RPS6KC1: variants seen among roughly 807,000 people sequenced by gnomAD.
RPS6KC1 encodes the protein ribosomal protein S6 kinase C1, also known as inactive ribosomal protein S6 kinase delta-1.
In RPS6KC1, 54 loss-of-function variants were observed where a neutral mutation model predicts 103.8. The ratio of observed to expected loss-of-function variants is 0.52; its 90% CI spans 0.42 to 0.65. The LOEUF (loss-of-function observed/expected upper bound fraction) is 0.65. Among genes scored for constraint, RPS6KC1 ranks in the 30% least tolerant of loss-of-function variants. The pLI is 0.00. For missense variants in RPS6KC1, 1,151 were observed against 1,253.8 expected (o/e 0.92, Z 1.24); for synonymous variants, 439 against 438.7 (o/e 1.00, Z -0.01).
At chr1:213,309,667 TTC>T in the RPS6KC1 span, among the ~76,000 whole-genome samples, 2 of 152,130 alleles carry the variant, frequency 1.3e-5, no homozygotes, top group African/African-American at 4.8e-5. Context: ...TTGTGCTTGA[TTC>T]TCCTCTTCTC....
rs2091877701 is a variant in RPS6KC1 at position 213,176,441 on chromosome 1, G to A, written c.993G>A (p.Arg331=). ...GTTCAAGGCCCCTTTGGAACCTAAG[G>A]AGCCCTGCCGAGGAGCTGAAGGCCT... ...SLSSRPLWNL[R]SPAEELKAFR... Residue 331 remains arginine, a synonymous_variant, in exon 8 of 15, where the codon AGG becomes AGA. Transcript: ENST00000366960. 1 of 1,609,218 alleles carries A rather than the reference G, an allele frequency of 6.2e-7. No individual in the cohort carries two copies. The highest frequency in any genetic ancestry group is 1.7e-4 in the Middle Eastern group (1 of 6,000).
At chr1:213,802,592 T>C in the RPS6KC1 span, among the ~76,000 whole-genome samples, 3 of 152,232 alleles carry the variant, frequency 2.0e-5, no homozygotes, top group African/African-American at 7.2e-5. Flanking sequence ...AGGAATGATT[T>C]TTTTGACATT....
chr1:213,308,562 T>C, the RPS6KC1 span, among the ~76,000 whole-genome samples: 1 of 152,212 alleles, frequency 6.6e-6, no homozygotes, highest in African/African-American at 2.4e-5. Flanking sequence ...CACCAATGTC[T>C]ATCTTCCAAA....
chr1:213,570,247 C>G, the RPS6KC1 span, among the ~76,000 whole-genome samples: 8 of 152,110 alleles, frequency 5.3e-5, no homozygotes, highest in Non-Finnish European at 1.2e-4. Context: ...AAGGGATACT[C>G]ATAGTATTTA....
rs373414998 is a variant in RPS6KC1, at chr1:213,223,941, G to A, written c.1045-6556G>A. ...GTAATCTTTCTTTTAAAAGGAATTG[G>A]AGCTGAAGTTATTTTCAGGGACTTC... On this transcript the variant is annotated intron_variant, in intron 8 of 14. Transcript: ENST00000366960. 1.1e-4 allele frequency among the ~76,000 whole-genome samples: 16 copies of A among 152,222 alleles called. No individual in the cohort carries two copies. The East Asian group carries it at 2.3e-3, about 22-fold the overall frequency.
At chr1:213,152,943 G>A (rs1445125760) in intron 6 of RPS6KC1, among the ~76,000 whole-genome samples, 1 of 152,240 alleles carries the variant, frequency 6.6e-6, no homozygotes, top group Non-Finnish European at 1.5e-5. Flanking sequence ...ACTCCAGCCT[G>A]GGCACCATTG....
chr1:213,434,781 T>TA, the RPS6KC1 span, among the ~76,000 whole-genome samples: 1 of 120,308 alleles, frequency 8.3e-6, no homozygotes, highest in East Asian at 2.9e-4. Flanking sequence ...TATAACTGAC[T>TA]GTTTTTTTTT....
At chr1:213,717,817 A>G in the RPS6KC1 span, among the ~76,000 whole-genome samples, 256 of 152,322 alleles carry the variant, frequency 1.7e-3, 1 homozygote, top group African/African-American at 5.8e-3. Context: ...CAGTATCTGA[A>G]CAAACAGAGT....
At chr1:213,114,324 T>G (rs1442068878) in intron 4 of RPS6KC1, among the ~76,000 whole-genome samples, 3 of 95,370 alleles carry the variant, frequency 3.1e-5, no homozygotes, top group African/African-American at 1.6e-4. Flanking sequence ...TTGAAGCAAT[T>G]GTGAATGGGA....
chr1:213,293,711 T>C, the RPS6KC1 span, among the ~76,000 whole-genome samples: 1 of 152,166 alleles, frequency 6.6e-6, no homozygotes, highest in African/African-American at 2.4e-5. Context: ...GTACCCCAGG[T>C]GACTCAAGTC....
At chr1:213,278,498 T>C (rs139439619), downstream of RPS6KC1, among the ~76,000 whole-genome samples, 36 of 152,306 alleles carry the variant, frequency 2.4e-4, no homozygotes, top group African/African-American at 8.2e-4. Flanking sequence ...GAAAATGTGT[T>C]AGATATTTGA....
the RPS6KC1 span, among the ~76,000 whole-genome samples, chr1:213,796,324 T>C: frequency 1.3e-5 from 2 of 152,202 alleles, no homozygotes. Flanking sequence ...TAGATTGTGT[T>C]ATTCTGTATC....
the RPS6KC1 span, among the ~76,000 whole-genome samples, chr1:213,621,388 T>C: frequency 8.2e-6 from 1 of 122,594 alleles, no homozygotes; most frequent in Admixed American, 1.0e-4. Context: ...GACAGGTATA[T>C]ATAAGGGCAG....
chr1:213,402,365 G>A, the RPS6KC1 span, among the ~76,000 whole-genome samples: 3 of 152,104 alleles, frequency 2.0e-5, no homozygotes, highest in Non-Finnish European at 4.4e-5. Flanking sequence ...GTACCTCTAA[G>A]TCCCAGGAAA....
At chr1:213,487,096 G>T in the RPS6KC1 span, among the ~76,000 whole-genome samples, 5 of 152,066 alleles carry the variant, frequency 3.3e-5, no homozygotes, top group African/African-American at 1.2e-4. Flanking sequence ...AGCCACTGTT[G>T]TCTCTCCTTA....
chr1:213,723,936 T>TG, the RPS6KC1 span, among the ~76,000 whole-genome samples: 1 of 66,066 alleles, frequency 1.5e-5, no homozygotes, highest in East Asian at 4.1e-4. Flanking sequence ...TGGGGGTGGT[T>TG]GGGGGGTTGG....
the RPS6KC1 span, among the ~76,000 whole-genome samples, chr1:213,282,473 A>C: frequency 7.9e-5 from 12 of 152,238 alleles, no homozygotes. Flanking sequence ...CCTGCTTGGC[A>C]CAGGGAGTGC....
At chr1:213,379,431 TA>T in the RPS6KC1 span, among the ~76,000 whole-genome samples, 1 of 152,138 alleles carries the variant, frequency 6.6e-6, no homozygotes, top group Admixed American at 6.5e-5. Flanking sequence ...GTGATGTGAC[TA>T]CAAGCCAAGG....
the RPS6KC1 span, among the ~76,000 whole-genome samples, chr1:213,484,112 A>G: frequency 6.6e-6 from 1 of 150,544 alleles, no homozygotes; most frequent in East Asian, 1.9e-4. Flanking sequence ...AAATGGCCTC[A>G]GGGAGAGAAT....
Sources: allele counts gnomAD v4.1 joint callset (sites outside exome capture counted in the v4.1 genomes callset), GRCh38; gene constraint gnomAD v4.1.1; transcripts MANE v1.5; gene names NCBI Gene and HGNC (gene_info 2026-07-23, HGNC 2026-07-21).